Variants in CSMD3 observed in about 807,000 individuals in gnomAD.
CSMD3 encodes the protein CUB and sushi domain-containing protein 3.
In CSMD3, 177 loss-of-function variants were observed where a neutral mutation model predicts 435.2. That is an observed-to-expected ratio of 0.41 (90% CI 0.36 to 0.46). The LOEUF (loss-of-function observed/expected upper bound fraction) is 0.46. Among genes scored for constraint, CSMD3 ranks in the 20% least tolerant of loss-of-function variants. The pLI, the probability that CSMD3 is intolerant of heterozygous loss-of-function variation, is 0.34. For synonymous variants in CSMD3, 1,656 were observed against 1,520.5 expected (o/e 1.09, Z -2.07); for missense variants, 4,265 against 4,504.6 (o/e 0.95, Z 1.52).
At chr8:113,237,136 A>G (rs2093159913) in intron 3 of CSMD3, among the ~76,000 whole-genome samples, 2 of 152,178 alleles carry the variant, frequency 1.3e-5, no homozygotes, top group Non-Finnish European at 2.9e-5. Context: ...CCAAATCATT[A>G]CCTAAGAAGT....
At chr8:112,615,200 C>CA (rs902371614) in intron 22 of CSMD3, among the ~76,000 whole-genome samples, 1 of 152,062 alleles carries the variant, frequency 6.6e-6, no homozygotes, top group African/African-American at 2.4e-5. Flanking sequence ...TTAGATCATG[C>CA]AAAATGTAGC....
chr8:112,854,436 C>G (rs1387499670), intron 11 of CSMD3, among the ~76,000 whole-genome samples: 1 of 152,106 alleles, frequency 6.6e-6, no homozygotes, highest in Non-Finnish European at 1.5e-5. Context: ...ATATCCAAGA[C>G]TACAAGGACA....
intron 13 of CSMD3, among the ~76,000 whole-genome samples, chr8:112,731,186 T>C (rs1184091498): frequency 6.8e-6 from 1 of 147,816 alleles, no homozygotes; most frequent in Non-Finnish European, 1.5e-5. Context: ...ATGTTGCTGA[T>C]AATTTCATTT....
At position 112,829,727 on chromosome 8, in the gene CSMD3, G is replaced by T; in HGVS notation, c.1818C>A (p.Gly606=). ...LEIGYDTLTI[G]DGGEVGDPRT... is the part of the protein sequence containing the mutation. ...TAGGATCTCCAACTTCGCCCCCATC[G>T]CCAATTGTCAAGGTATCATAGCCAA... Residue 606 remains glycine (G), a synonymous_variant, in exon 12 of 71, where the codon GGC becomes GGA. Transcript: ENST00000297405. The T allele has an allele frequency of 6.2e-7, 1 of 1,612,936 alleles. No homozygotes were observed. The highest frequency in any genetic ancestry group is 8.5e-7 in the Non-Finnish European group (1 of 1,179,126).
At chr8:113,130,140 T>C (rs1263859757) in intron 4 of CSMD3, among the ~76,000 whole-genome samples, 1 of 151,960 alleles carries the variant, frequency 6.6e-6, no homozygotes, top group Admixed American at 6.6e-5. Context: ...ATAAATGTAT[T>C]CTTAAAAAAG....
chr8:112,770,343 T>C (rs941177907), intron 13 of CSMD3, among the ~76,000 whole-genome samples: 1 of 151,986 alleles, frequency 6.6e-6, no homozygotes, highest in Admixed American at 6.6e-5. Context: ...CCTTCTGCCA[T>C]ATGAGGAACA....
chr8:112,689,760 C>G (rs1586975701), intron 14 of CSMD3, 108 bp downstream of exon 14: 2 of 928,694 alleles, frequency 2.2e-6, no homozygotes, highest in Admixed American at 1.9e-5. Flanking sequence ...GTGCTACTCA[C>G]TCAAAAATAA....
At chr8:113,121,521 A>G (rs1447497921) in intron 4 of CSMD3, among the ~76,000 whole-genome samples, 1 of 152,146 alleles carries the variant, frequency 6.6e-6, no homozygotes, top group East Asian at 1.9e-4. Context: ...TCCCTAAGGA[A>G]TAAAACAGTT....
intron 36 of CSMD3, among the ~76,000 whole-genome samples, chr8:112,388,606 T>C (rs1376500221): frequency 1.3e-5 from 2 of 152,142 alleles, no homozygotes; most frequent in East Asian, 3.9e-4. Context: ...AAGTCAGTTT[T>C]AGAGGTTGAA....
intron 22 of CSMD3, among the ~76,000 whole-genome samples, chr8:112,611,156 A>T (rs1171314275): frequency 1.3e-5 from 2 of 152,154 alleles, no homozygotes; most frequent in Non-Finnish European, 2.9e-5. Flanking sequence ...TTGAAATTTC[A>T]TGGAGATGGA....
chr8:113,329,216 T>TAAATAAATAAATAAATAAAA (rs1480676952), intron 1 of CSMD3, among the ~76,000 whole-genome samples: 1 of 150,208 alleles, frequency 6.7e-6, no homozygotes, highest in East Asian at 1.9e-4. Context: ...AATAAATAAA[T>TAAATAAATAAATAAATAAAA]AAATAAATAA....
chr8:112,297,568 GAACAT>G (rs1294778432), intron 53 of CSMD3, among the ~76,000 whole-genome samples: 1 of 151,874 alleles, frequency 6.6e-6, no homozygotes, highest in African/African-American at 2.4e-5. Context: ...GGAATATAGG[GAACAT>G]TCTCAACCCA....
intron 2 of CSMD3, among the ~76,000 whole-genome samples, chr8:113,307,424 T>G (rs2093830211): frequency 6.6e-6 from 1 of 152,102 alleles, no homozygotes. Flanking sequence ...AAGCTAACAC[T>G]CTAAACCTTC....
At chr8:112,397,417 A>T (rs1830944626) in intron 35 of CSMD3, among the ~76,000 whole-genome samples, 1 of 152,186 alleles carries the variant, frequency 6.6e-6, no homozygotes, top group Non-Finnish European at 1.5e-5. Context: ...TTGGCAGAAA[A>T]TACAAGTCAT....
chr8:112,351,047 A>G, intron 40 of CSMD3, 128 bp downstream of exon 40: 1 of 556,894 alleles, frequency 1.8e-6, no homozygotes, highest in Non-Finnish European at 3.2e-6. Context: ...TAAAAGGCAA[A>G]CTATATGTTT....
At chr8:112,809,416 A>G (rs2079168467) in intron 12 of CSMD3, among the ~76,000 whole-genome samples, 1 of 152,206 alleles carries the variant, frequency 6.6e-6, no homozygotes, top group Admixed American at 6.5e-5. Flanking sequence ...AGAATTTGAC[A>G]ATAGTTCCTA....
chr8:112,714,099 A>T (rs2076671070), intron 13 of CSMD3, among the ~76,000 whole-genome samples: 1 of 152,210 alleles, frequency 6.6e-6, no homozygotes, highest in Non-Finnish European at 1.5e-5. Context: ...AAATGAGCTA[A>T]ATGCCTCAAT....
chr8:113,299,305 T>C (rs572597848), intron 2 of CSMD3, among the ~76,000 whole-genome samples: 1 of 150,770 alleles, frequency 6.6e-6, no homozygotes, highest in South Asian at 2.1e-4. Context: ...TTTCCTTTCC[T>C]TTTTTTGCTG....
chr8:113,287,173 T>C (rs891995063), intron 2 of CSMD3, among the ~76,000 whole-genome samples: 3 of 151,958 alleles, frequency 2.0e-5, no homozygotes, highest in African/African-American at 7.3e-5. Flanking sequence ...CTAAGATATA[T>C]TATATAATAC....
Sources: gnomAD v4.1 joint callset for allele counts (sites outside exome capture counted in the v4.1 genomes callset) on GRCh38, gnomAD v4.1.1 for gene constraint, MANE v1.5 for transcripts, NCBI Gene and HGNC (gene_info 2026-07-23, HGNC 2026-07-21) for gene names.